DNAH7: variants seen among roughly 807,000 people sequenced by gnomAD.
DNAH7 encodes the protein dynein axonemal heavy chain 7, also known as axonemal beta dynein heavy chain 7.
In DNAH7, 397 loss-of-function variants were observed where a neutral mutation model predicts 444.6. The ratio of observed to expected loss-of-function variants is 0.89; its 90% CI spans 0.82 to 0.97. The LOEUF (loss-of-function observed/expected upper bound fraction) is 0.97. Ranked by LOEUF, DNAH7 falls within the 50% of genes least tolerant of loss-of-function variation. The pLI is 0.00. For synonymous variants in DNAH7, 1,636 were observed against 1,624.4 expected (o/e 1.01, Z -0.17); for missense variants, 4,902 against 4,800.8 (o/e 1.02, Z -0.62).
chr2:196,048,901 T>C (rs1246466675), intron 3 of DNAH7, among the ~76,000 whole-genome samples: 1 of 152,148 alleles, frequency 6.6e-6, no homozygotes, highest in Non-Finnish European at 1.5e-5. Flanking sequence ...AGGCTAATGA[T>C]GATAGGTTCC....
chr2:195,972,729 T>C (rs1691930459), intron 15 of DNAH7, among the ~76,000 whole-genome samples: 1 of 152,092 alleles, frequency 6.6e-6, no homozygotes, highest in African/African-American at 2.4e-5. Flanking sequence ...TCACAGAAGA[T>C]AGATATGAAG....
chr2:196,011,423 C>T (rs757247826), intron 10 of DNAH7, among the ~76,000 whole-genome samples: 4 of 151,860 alleles, frequency 2.6e-5, no homozygotes, highest in Admixed American at 6.6e-5. Context: ...CTGGGGAACC[C>T]TACTTGTAGG....
intron 41 of DNAH7, among the ~76,000 whole-genome samples, chr2:195,863,298 G>A (rs1574599349): frequency 1.3e-5 from 2 of 152,288 alleles, no homozygotes; most frequent in East Asian, 3.9e-4. Context: ...GGTCATAAAT[G>A]CTTATCTGTC....
At chr2:195,934,521 C>T (rs1688913918) in intron 21 of DNAH7, 70 bp downstream of exon 21, 2 of 1,473,490 alleles carry the variant, frequency 1.4e-6, no homozygotes, top group African/African-American at 1.4e-5. Context: ...GTACATTTAT[C>T]AACAGAATAT....
At chr2:196,002,885 G>A (rs1250953358) in intron 10 of DNAH7, among the ~76,000 whole-genome samples, 1 of 152,010 alleles carries the variant, frequency 6.6e-6, no homozygotes, top group African/African-American at 2.4e-5. Context: ...GTGAGTGCCT[G>A]TAATCCCAGC....
intron 24 of DNAH7, among the ~76,000 whole-genome samples, chr2:195,917,345 A>G (rs2125330951): frequency 6.6e-6 from 1 of 152,238 alleles, no homozygotes; most frequent in South Asian, 2.1e-4. Context: ...TCAAGTGAGC[A>G]TGGGTACAAC....
At chr2:195,986,477 G>A (rs924481870) in intron 14 of DNAH7, among the ~76,000 whole-genome samples, 1 of 152,060 alleles carries the variant, frequency 6.6e-6, no homozygotes, top group African/African-American at 2.4e-5. Flanking sequence ...GATGCTAGTC[G>A]AGAGATTCCC....
intron 58 of DNAH7, among the ~76,000 whole-genome samples, chr2:195,778,659 T>TACACACACACACACAC (rs1559089784): frequency 1.0e-5 from 1 of 95,636 alleles, no homozygotes; most frequent in African/African-American, 4.6e-5. Context: ...TATATATATA[T>TACACACACACACACAC]ATATATATAT....
chr2:195,854,317 T>C (rs908728921), intron 45 of DNAH7, among the ~76,000 whole-genome samples: 3 of 152,202 alleles, frequency 2.0e-5, no homozygotes, highest in Admixed American at 6.5e-5. Flanking sequence ...CATGAAAAGA[T>C]AAATTCAACA....
chr2:196,028,642 C>A (rs1341326141), intron 5 of DNAH7, among the ~76,000 whole-genome samples: 1 of 152,158 alleles, frequency 6.6e-6, no homozygotes, highest in East Asian at 1.9e-4. Flanking sequence ...CATTTTGTGA[C>A]ATGTTCTGGG....
chr2:196,000,257 T>C (rs1427792422), intron 12 of DNAH7, among the ~76,000 whole-genome samples: 1 of 152,128 alleles, frequency 6.6e-6, no homozygotes, highest in Non-Finnish European at 1.5e-5. Context: ...TTCCAATAAC[T>C]ACTGTGGAAA....
At chr2:195,787,217 T>C (rs749036827) in intron 57 of DNAH7, 46 bp from the exon 58 acceptor site, 20 of 1,532,102 alleles carry the variant, frequency 1.3e-5, no homozygotes, top group East Asian at 2.3e-5. Flanking sequence ...TCTCCATATA[T>C]TGCATTATAT....
chr2:196,012,794 G>A lies in DNAH7; in HGVS notation c.982C>T (p.Leu328Phe). The A allele has an allele frequency of 1.9e-6, 3 of 1,599,018 alleles. No individual in the cohort carries two copies. The highest frequency in any genetic ancestry group is 2.3e-5 in the East Asian group (1 of 43,842). Residue 328 changes from leucine (L) to phenylalanine (F), a missense_variant, in exon 10 of 65, where the codon CTT (leucine) becomes TTT (phenylalanine). Coordinates refer to ENST00000312428, the MANE Select transcript of DNAH7 (RefSeq NM_018897.3). The stretch of plus-strand genomic sequence containing the variant: ...GAAATTTCAAACCTTTACATTTTAA[G>A]TAGAGTCTCTTTGGCAGAGTCCATG... The part of the protein sequence containing the change: ...RHMDSAKETL[L>F]KMWFPEVQNI...
chr2:195,892,474 TA>T (rs1443878468), intron 30 of DNAH7: 2 of 141,756 alleles, frequency 1.4e-5, no homozygotes, highest in Admixed American at 7.0e-5. Context: ...CCTTTGGACA[TA>T]ATCTTTTTTT....
chr2:195,871,735 T>G (rs1197721845), intron 40 of DNAH7, among the ~76,000 whole-genome samples: 1 of 129,332 alleles, frequency 7.7e-6, no homozygotes, highest in East Asian at 2.0e-4. Flanking sequence ...ATCGAGACCA[T>G]CCCGGCTAAA....
Position 195,809,924 on chromosome 2 carries a change from A to C in DNAH7, c.9762-53T>G, listed in dbSNP as rs552724984. 60 of 1,364,940 alleles carry C rather than the reference A, an allele frequency of 4.4e-5. No individual in the cohort carries two copies. In the African/African-American group the frequency reaches 7.8e-4, roughly 18 times the overall value. 84.6% of individuals were successfully genotyped at this position (1,364,940 alleles called of 1,614,324 possible). A position where few individuals can be genotyped will look rare whatever the true frequency, so the allele number is the denominator to read the frequency against. The stretch of plus-strand genomic sequence containing the variant: ...TAAATAAAAATATACTTTAAAGATA[A>C]TGCTCTTAAGAAACTTACATGTATG... On this transcript the variant is annotated intron_variant, in intron 51 of 64. Coordinates refer to ENST00000312428, the MANE Select transcript of DNAH7 (RefSeq NM_018897.3).
At chr2:196,060,100 C>A (rs1486617082) in intron 1 of DNAH7, among the ~76,000 whole-genome samples, 1 of 152,104 alleles carries the variant, frequency 6.6e-6, no homozygotes, top group African/African-American at 2.4e-5. Context: ...CGCCTGTAGT[C>A]CTAGCTACTC....
At chr2:195,997,539 C>T (rs1377108021) in intron 12 of DNAH7, among the ~76,000 whole-genome samples, 5 of 152,142 alleles carry the variant, frequency 3.3e-5, no homozygotes, top group Admixed American at 3.3e-4. Context: ...ATTTAATCAT[C>T]TCCTAATTAA....
intron 19 of DNAH7, among the ~76,000 whole-genome samples, chr2:195,939,665 C>G (rs1176570254): frequency 1.3e-5 from 2 of 152,154 alleles, no homozygotes. Flanking sequence ...AGAACACTGA[C>G]TGACAATTTT....
Sources: gnomAD v4.1 joint callset for allele counts (sites outside exome capture counted in the v4.1 genomes callset) on GRCh38, gnomAD v4.1.1 for gene constraint, MANE v1.5 for transcripts, NCBI Gene and HGNC (gene_info 2026-07-23, HGNC 2026-07-21) for gene names.